CEP78: variants seen among roughly 807,000 people sequenced by gnomAD.
The protein encoded by CEP78 is centrosomal protein 78, also known as centrosomal protein of 78 kDa.
CEP78 carries 76 observed loss-of-function variants against 81.2 expected under a neutral mutation model. The observed-to-expected ratio is 0.94, with a 90% CI of 0.78 to 1.13. CEP78 has a LOEUF of 1.13. Among genes scored for constraint, CEP78 ranks in the 50% most tolerant of loss-of-function variants. The pLI, the probability that CEP78 is intolerant of heterozygous loss-of-function variation, is 0.00. For missense variants in CEP78, 918 were observed against 846.8 expected (o/e 1.08, Z -1.04); for synonymous variants, 293 against 301.4 (o/e 0.97, Z 0.29).
chr9:78,246,923 G>C, intron 6 of CEP78, 141 bp downstream of exon 6: 1 of 519,428 alleles, frequency 1.9e-6, no homozygotes, highest in South Asian at 2.8e-5. Context: ...TATGTTTTTA[G>C]TAGATAATTT....
Position 78,277,038 on chromosome 9 carries a change from A to G in CEP78, c.*6187A>G, listed in dbSNP as rs1827818128. The G allele has an allele frequency of 6.6e-6, 1 of 152,128 alleles. No homozygotes were observed. The highest frequency in any genetic ancestry group is 1.5e-5 in the Non-Finnish European group (1 of 67,996). 9.4% of individuals were successfully genotyped at this position (152,128 alleles called of 1,614,324 possible). On this transcript the variant is annotated 3_prime_UTR_variant, in exon 17 of 17. Coordinates refer to ENST00000643273, the MANE Select transcript of CEP78 (RefSeq NM_001330691.3). ...GAACCGAGAACCTAGGAACAGAGCA[A>G]TGTATATATATATGTATTTAAAAAA...
At chr9:78,245,980 A>G (rs554199864) in intron 5 of CEP78, among the ~76,000 whole-genome samples, 1 of 152,158 alleles carries the variant, frequency 6.6e-6, no homozygotes, top group South Asian at 2.1e-4. Flanking sequence ...ATCTAGTGCA[A>G]TTTCTGAGCT....
intron 12 of CEP78, among the ~76,000 whole-genome samples, chr9:78,263,520 A>T (rs1380130932): frequency 6.6e-6 from 1 of 152,178 alleles, no homozygotes; most frequent in Admixed American, 6.5e-5. Context: ...GGAATTTTTG[A>T]AAGTATATGC....
In CEP78 at chr9:78,240,354, A is replaced by T; in HGVS notation, c.489A>T (p.Gly163=). 1 of 1,578,752 alleles carries T rather than the reference A, an allele frequency of 6.3e-7. No homozygotes were observed. The highest frequency in any genetic ancestry group is 8.6e-7 in the Non-Finnish European group (1 of 1,159,906). ...LSLANCPIGD[G]GLEIICQGIK... is the part of the protein sequence containing the mutation. ...TTGCAAATTGTCCAATTGGAGATGG[A>T]GGTTTAGAAAGTGAGTTTAAATCTC... The change falls in exon 3 of 17, where the codon GGA becomes GGT. Residue 163 remains glycine, a synonymous_variant. Transcript: ENST00000643273.
chr9:78,253,237 TC>T lies in CEP78; in HGVS notation c.1214del (p.Pro405HisfsTer2). 1 of 1,330,860 alleles carries T rather than the reference TC, an allele frequency of 7.5e-7. No individual in the cohort carries two copies. Among genetic ancestry groups the T allele is most frequent in the African/African-American group, 1.4e-5 (1 of 69,738 alleles). The allele number at this position is 1,330,860 out of a possible 1,614,324, so 82.4% of individuals were successfully genotyped here. On this transcript the variant is annotated frameshift_variant, in exon 10 of 17. Transcript: ENST00000643273. LOFTEE classifies it high-confidence loss of function. The part of the protein sequence containing the change: ...TAERAKRHRG[F>X]PLIKTRDICN... ...ATTTATCGATATCTTTTTAGGGGTT[TC>T]CCATTAATCAAAACACGTGATATAT...
At chr9:78,262,327 A>G (rs1827312729) in intron 11 of CEP78, among the ~76,000 whole-genome samples, 1 of 151,974 alleles carries the variant, frequency 6.6e-6, no homozygotes, top group African/African-American at 2.4e-5. Flanking sequence ...AAATTCCCAG[A>G]CATTGAATTG....
chr9:78,267,217 G>A, intron 16 of CEP78: 1 of 397,590 alleles, frequency 2.5e-6, no homozygotes, highest in Non-Finnish European at 4.7e-6. Context: ...GGGCTAGTAT[G>A]TATAATATCA....
Position 78,276,361 on chromosome 9 carries a change from C to T in CEP78, c.*5510C>T, listed in dbSNP as rs1013318533. 3.3e-5 allele frequency: 5 copies of T among 152,188 alleles called. No homozygotes were observed. The highest frequency in any genetic ancestry group is 1.2e-4 in the African/African-American group (5 of 41,454). 9.4% of individuals were successfully genotyped at this position (152,188 alleles called of 1,614,324 possible). A position where few individuals can be genotyped will look rare whatever the true frequency, so the allele number is the denominator to read the frequency against. ...ATAGAAGGAAACTTCCTTAGCTTAG[C>T]TTCTTGGCTTCATTAAATATACCTA... On this transcript the variant is annotated 3_prime_UTR_variant, in exon 17 of 17. Transcript: ENST00000643273.
At chr9:78,263,020 T>G (rs1417724880) in intron 12 of CEP78, 36 bp downstream of exon 12, 84 of 1,404,566 alleles carry the variant, frequency 6.0e-5, no homozygotes, top group Admixed American at 3.2e-4. Context: ...GAGAGTTTTT[T>G]GTTTTGGTTT....
At position 78,277,123 on chromosome 9, in the gene CEP78, TTAC is replaced by T. The variant is rs1283683394; in HGVS notation, c.*6277_*6279del. 6.6e-6 allele frequency: 1 copy of T among 152,064 alleles called. No homozygotes were observed. The highest frequency in any genetic ancestry group is 1.5e-5 in the Non-Finnish European group (1 of 67,998). 9.4% of individuals were successfully genotyped at this position (152,064 alleles called of 1,614,324 possible). A position where few individuals can be genotyped will look rare whatever the true frequency, so the allele number is the denominator to read the frequency against. ...ATTCAGTAAATGATGTTGAGGTTATTTACTACTTTTTCTTATTTCATATCATGG... is the reference window on the plus strand; with the variant it reads ...ATTCAGTAAATGATGTTGAGGTTATTTACTTTTTCTTATTTCATATCATGG... On this transcript the variant is annotated 3_prime_UTR_variant, in exon 17 of 17. Transcript: ENST00000643273.
intron 11 of CEP78, among the ~76,000 whole-genome samples, chr9:78,259,054 A>T (rs1376392293): frequency 6.6e-6 from 1 of 152,242 alleles, no homozygotes; most frequent in African/African-American, 2.4e-5. Context: ...CATTATTTGT[A>T]ATAGTCCAAC....
intron 13 of CEP78, among the ~76,000 whole-genome samples, chr9:78,264,606 T>A (rs962873358): frequency 6.9e-5 from 10 of 145,722 alleles, no homozygotes; most frequent in African/African-American, 2.5e-4. Context: ...GCCCAGAAAT[T>A]CAAGGTTAGC....
intron 5 of CEP78, among the ~76,000 whole-genome samples, chr9:78,245,194 G>T (rs1587563159): frequency 6.6e-6 from 1 of 151,390 alleles, no homozygotes; most frequent in East Asian, 1.9e-4. Flanking sequence ...ATTATATATA[G>T]TATATATTAT....
At chr9:78,243,364 T>G in intron 4 of CEP78, 98 bp from the exon 5 acceptor site, 9 of 936,160 alleles carry the variant, frequency 9.6e-6, no homozygotes, top group Non-Finnish European at 1.4e-5. Context: ...ACCTGGTGTG[T>G]GTGTAAAGCT....
chr9:78,240,707 T>C (rs1029267771), intron 3 of CEP78, among the ~76,000 whole-genome samples: 2 of 152,122 alleles, frequency 1.3e-5, no homozygotes, highest in Non-Finnish European at 2.9e-5. Flanking sequence ...ACGCCTGTGA[T>C]CCCAGCAATT....
At position 78,262,949 on chromosome 9, in the gene CEP78, G is replaced by A; in HGVS notation, c.1423G>A (p.Val475Met). 2 of 1,547,246 alleles carry A rather than the reference G, an allele frequency of 1.3e-6. No individual in the cohort carries two copies. Among genetic ancestry groups the A allele is most frequent in the Non-Finnish European group, 1.7e-6 (2 of 1,144,400 alleles). ...ECLKQLKEER[V>M]IRLKVDKRVS... ...CCTAAAGCAGTTAAAGGAAGAAAGA[G>A]TGATAAGGCTTAAGGTTGATAAACG... is the stretch of plus-strand genomic sequence containing the variant. Residue 475 changes from valine to methionine, a missense_variant, in exon 12 of 17, where the codon GTG becomes ATG. Coordinates refer to ENST00000643273, the MANE Select transcript of CEP78 (RefSeq NM_001330691.3).
chr9:78,251,595 T>C (rs1329351574), intron 8 of CEP78, among the ~76,000 whole-genome samples: 19 of 152,134 alleles, frequency 1.2e-4, no homozygotes, highest in Non-Finnish European at 2.9e-5. Context: ...GGTTACATGT[T>C]TTATTTACCT....
intron 15 of CEP78, among the ~76,000 whole-genome samples, chr9:78,266,197 C>CTT (rs953340542): frequency 2.7e-5 from 4 of 146,532 alleles, no homozygotes; most frequent in African/African-American, 1.0e-4. Context: ...GAATAAGGTT[C>CTT]TTTTTTTTTT....
At chr9:78,261,704 A>G (rs775624141) in intron 11 of CEP78, among the ~76,000 whole-genome samples, 2 of 152,128 alleles carry the variant, frequency 1.3e-5, no homozygotes, top group South Asian at 2.1e-4. Context: ...TCCAATTGTG[A>G]TAAGTTTTTT....
Sources: allele counts gnomAD v4.1 joint callset (sites outside exome capture counted in the v4.1 genomes callset), GRCh38; gene constraint gnomAD v4.1.1; transcripts MANE v1.5; gene names NCBI Gene and HGNC (gene_info 2026-07-23, HGNC 2026-07-21).